CDIN1: variants seen among roughly 807,000 people sequenced by gnomAD.
CDIN1 encodes the protein CDAN1 interacting nuclease 1.
In CDIN1, 33 loss-of-function variants were observed where a neutral mutation model predicts 45.3. The ratio of observed to expected loss-of-function variants is 0.73; its 90% CI spans 0.55 to 0.97. The LOEUF (loss-of-function observed/expected upper bound fraction) is 0.97. Ranked by LOEUF, CDIN1 falls within the 50% of genes least tolerant of loss-of-function variation. The probability of loss-of-function intolerance (pLI) is 0.00; values close to 1 mark genes in which losing one functional copy is unlikely to be tolerated. For synonymous variants in CDIN1, 118 were observed against 124.4 expected (o/e 0.95, Z 0.34); for missense variants, 303 against 339.4 (o/e 0.89, Z 0.84).
Position 36,809,639 on chromosome 15 carries a change from C to A in CDIN1, c.*1186C>A, listed in dbSNP as rs1292304529. On this transcript the variant is annotated 3_prime_UTR_variant, in exon 11 of 11. Transcript: ENST00000566621. The stretch of plus-strand genomic sequence containing the variant: ...AAAACGTATTTAGTAAAATATTTGC[C>A]CCCGCCACCCTGCCATGCTGACATA... 6.6e-6 allele frequency: 1 copy of A among 151,900 alleles called. No homozygotes were observed. The highest frequency in any genetic ancestry group is 2.4e-5 in the African/African-American group (1 of 41,334). The allele number at this position is 151,900 out of a possible 1,614,324, so 9.4% of individuals were successfully genotyped here. A position where few individuals can be genotyped will look rare whatever the true frequency, so the allele number is the denominator to read the frequency against.
chr15:36,798,273 T>C lies in CDIN1; in HGVS notation c.717-10051T>C, dbSNP rs371883843. 3.9e-5 allele frequency among the ~76,000 whole-genome samples: 6 copies of C among 152,200 alleles called. No homozygotes were observed. The East Asian group carries it at 9.6e-4, about 24-fold the overall frequency. ...TCCATAATTTTTGAAGACCCATTTTTAAAATCATTTTTCCTTATCTGATCA... is the reference window on the plus strand; with the variant it reads ...TCCATAATTTTTGAAGACCCATTTTCAAAATCATTTTTCCTTATCTGATCA... On this transcript the variant is annotated intron_variant, in intron 10 of 10. Coordinates refer to ENST00000566621, the MANE Select transcript of CDIN1 (RefSeq NM_001321759.2).
At chr15:36,621,260 A>G (rs2039174073) in intron 1 of CDIN1, among the ~76,000 whole-genome samples, 1 of 152,206 alleles carries the variant, frequency 6.6e-6, no homozygotes, top group Admixed American at 6.5e-5. Context: ...ATTAAAGTGA[A>G]TGTAAATAGT....
In CDIN1 at chr15:36,797,797, T is replaced by C. The variant is rs1182769969; in HGVS notation, c.717-10527T>C. On this transcript the variant is annotated intron_variant, in intron 10 of 10. Coordinates refer to ENST00000566621, the MANE Select transcript of CDIN1 (RefSeq NM_001321759.2). The stretch of plus-strand genomic sequence containing the variant: ...GCGTTCAAGACGAGCCTTGCCAACA[T>C]GGTGAAACCCCGTCTCTACTAAAAA... Among the ~76,000 whole-genome samples the C allele has an allele frequency of 2.6e-5, 4 of 152,060 alleles. No individual in the cohort carries two copies. In the East Asian group the frequency reaches 7.8e-4, roughly 29 times the overall value.
intron 1 of CDIN1, among the ~76,000 whole-genome samples, chr15:36,609,892 A>T (rs1436168898): frequency 6.6e-6 from 1 of 152,186 alleles, no homozygotes; most frequent in Admixed American, 6.5e-5. Flanking sequence ...GCCAATCTGG[A>T]GGCTGGTGTT....
At chr15:36,684,281 T>G (rs1259844309) in intron 5 of CDIN1, among the ~76,000 whole-genome samples, 2 of 151,992 alleles carry the variant, frequency 1.3e-5, no homozygotes, top group Admixed American at 6.6e-5. Context: ...GTTTTTAGCA[T>G]GAAGGGTTGT....
chr15:36,658,260 G>C (rs1453904312), intron 5 of CDIN1: 1 of 162,638 alleles, frequency 6.1e-6, no homozygotes, highest in African/African-American at 2.4e-5. Flanking sequence ...TTTTAATTCA[G>C]CAAGACCGGA....
chr15:36,588,923 A>G (rs891828839), intron 1 of CDIN1, among the ~76,000 whole-genome samples: 3 of 152,212 alleles, frequency 2.0e-5, no homozygotes, highest in African/African-American at 7.2e-5. Context: ...TCCACATGCT[A>G]TAATTATATT....
At chr15:36,799,784 G>C (rs921615286) in intron 10 of CDIN1, 2 of 152,114 alleles carry the variant, frequency 1.3e-5, no homozygotes, top group African/African-American at 4.8e-5. Context: ...GATTCTTATA[G>C]GTAAATGCAG....
At chr15:36,742,975 GCA>G in intron 10 of CDIN1, among the ~76,000 whole-genome samples, 1 of 152,282 alleles carries the variant, frequency 6.6e-6, no homozygotes, top group South Asian at 2.1e-4. Flanking sequence ...CATAAGAAAA[GCA>G]CAAAGGTTTT....
At chr15:36,584,762 T>C (rs1191651817) in intron 1 of CDIN1, among the ~76,000 whole-genome samples, 1 of 151,994 alleles carries the variant, frequency 6.6e-6, no homozygotes, top group Non-Finnish European at 1.5e-5. Flanking sequence ...ACGTACATCA[T>C]TGAGATGTGG....
intron 5 of CDIN1, among the ~76,000 whole-genome samples, chr15:36,670,588 C>CT (rs994536734): frequency 2.0e-5 from 3 of 152,022 alleles, no homozygotes; most frequent in Non-Finnish European, 4.4e-5. Context: ...CCTTTGAGTT[C>CT]TTTTTTATGC....
chr15:36,581,706 C>T (rs559472977), intron 1 of CDIN1, among the ~76,000 whole-genome samples: 13 of 152,026 alleles, frequency 8.6e-5, no homozygotes, highest in South Asian at 6.3e-4. Flanking sequence ...AGCAAAACCC[C>T]GTCTCTAATA....
chr15:36,684,478 A>G (rs2041968827), intron 5 of CDIN1, among the ~76,000 whole-genome samples: 1 of 152,166 alleles, frequency 6.6e-6, no homozygotes, highest in Non-Finnish European at 1.5e-5. Context: ...TCGTTTTGCC[A>G]GTATTTTATT....
chr15:36,603,326 A>G (rs1219091095), intron 1 of CDIN1, among the ~76,000 whole-genome samples: 3 of 152,202 alleles, frequency 2.0e-5, no homozygotes, highest in Non-Finnish European at 4.4e-5. Context: ...TCTTAGAGGA[A>G]GAAGAAAAGT....
At chr15:36,780,697 T>C (rs2054328290) in intron 10 of CDIN1, among the ~76,000 whole-genome samples, 1 of 152,228 alleles carries the variant, frequency 6.6e-6, no homozygotes, top group African/African-American at 2.4e-5. Context: ...TTTATAATTA[T>C]TAATTCTATG....
chr15:36,659,465 A>C (rs576223841), intron 5 of CDIN1, among the ~76,000 whole-genome samples: 2 of 152,288 alleles, frequency 1.3e-5, no homozygotes, highest in African/African-American at 4.8e-5. Context: ...AGGGTATTTC[A>C]AGAATGTGGC....
intron 1 of CDIN1, among the ~76,000 whole-genome samples, chr15:36,631,338 A>G (rs2039670636): frequency 6.6e-6 from 1 of 152,186 alleles, no homozygotes; most frequent in Non-Finnish European, 1.5e-5. Context: ...ACGAAGTTGT[A>G]CAACCGTCAC....
chr15:36,728,395 T>A (rs1037022458), intron 10 of CDIN1, among the ~76,000 whole-genome samples: 3 of 152,078 alleles, frequency 2.0e-5, no homozygotes, highest in Non-Finnish European at 4.4e-5. Context: ...GTCTGACGGG[T>A]TACCAATCCT....
At chr15:36,765,091 C>T (rs1399451103) in intron 10 of CDIN1, among the ~76,000 whole-genome samples, 4 of 139,640 alleles carry the variant, frequency 2.9e-5, no homozygotes, top group African/African-American at 5.2e-5. Context: ...AGTCTCGCTC[C>T]GTCATTCAGG....
Sources: allele counts gnomAD v4.1 joint callset (sites outside exome capture counted in the v4.1 genomes callset), GRCh38; gene constraint gnomAD v4.1.1; transcripts MANE v1.5; gene names NCBI Gene and HGNC (gene_info 2026-07-23, HGNC 2026-07-21).